Variants in FUNDC2 observed in about 807,000 individuals in gnomAD.
The protein encoded by FUNDC2 is FUN14 domain-containing protein 2.
FUNDC2 carries 4 observed loss-of-function variants against 15.6 expected under a neutral mutation model. The ratio of observed to expected loss-of-function variants is 0.26; its 90% CI spans 0.13 to 0.59. The LOEUF (loss-of-function observed/expected upper bound fraction) is 0.59, where lower values mean the gene tolerates loss of function less well. Among genes scored for constraint, FUNDC2 ranks in the 20% least tolerant of loss-of-function variants. The pLI is 0.90. For synonymous variants in FUNDC2, 44 were observed against 56.9 expected, an observed-to-expected ratio of 0.77 and a Z score of 1.02; for missense variants, 98 against 149.7, an observed-to-expected ratio of 0.65 and a Z score of 1.80.
At chrX:155,052,427 A>G (rs2073881836) in intron 4 of FUNDC2, among the ~76,000 whole-genome samples, 1 of 112,159 alleles carries the variant, frequency 8.9e-6, no homozygotes, top group African/African-American at 3.2e-5. Flanking sequence ...TATTACCTTT[A>G]GAAATATGTC....
chrX:155,029,491 C>T (rs940848044), intron 1 of FUNDC2, among the ~76,000 whole-genome samples: 1 of 111,195 alleles, frequency 9.0e-6, no homozygotes, highest in Non-Finnish European at 1.9e-5. Context: ...TGGTGGCTCA[C>T]TCCTGTAATC....
chrX:155,057,033 GC>G lies in FUNDC2; in HGVS notation c.*2363del, dbSNP rs1569560282. 32 of 97,512 alleles carry G rather than the reference GC, an allele frequency of 3.3e-4. No individual in the cohort carries two copies. The East Asian group carries it at 8.3e-3, about 25-fold the overall frequency. 8.0% of individuals were successfully genotyped at this position (97,512 alleles called of 1,213,427 possible). A position where few individuals can be genotyped will look rare whatever the true frequency, so the allele number is the denominator to read the frequency against. Reference sequence around the variant, plus strand: ...TGGTTGAGGTCAGTATTGCAGGTTGGCCTCATCCTGCTAGTATGAGAACGGC... The same window carrying G: ...TGGTTGAGGTCAGTATTGCAGGTTGGCTCATCCTGCTAGTATGAGAACGGC... On this transcript the variant is annotated 3_prime_UTR_variant, in exon 5 of 5. Coordinates refer to ENST00000369498, the MANE Select transcript of FUNDC2 (RefSeq NM_023934.4).
chrX:155,048,656 A>G (rs148832409), intron 3 of FUNDC2, among the ~76,000 whole-genome samples: 1 of 112,670 alleles, frequency 8.9e-6, no homozygotes, highest in Non-Finnish European at 1.9e-5. Context: ...TCCTGTTGAA[A>G]TTTTTATCGG....
chrX:155,029,730 G>GTGA, intron 1 of FUNDC2, among the ~76,000 whole-genome samples: 1 of 95,244 alleles, frequency 1.0e-5, no homozygotes. Context: ...TCCAGCCTGG[G>GTGA]CAAAAAGAGC....
rs1557290843 is a variant in FUNDC2, at chrX:155,055,952, T to C, written c.*1280T>C. The C allele has an allele frequency of 8.9e-6, 1 of 112,304 alleles. No individual in the cohort carries two copies. Among genetic ancestry groups the C allele is most frequent in the African/African-American group, 3.2e-5 (1 of 30,887 alleles). 9.3% of individuals were successfully genotyped at this position (112,304 alleles called of 1,213,427 possible). A position where few individuals can be genotyped will look rare whatever the true frequency, so the allele number is the denominator to read the frequency against. The stretch of plus-strand genomic sequence containing the variant: ...GCATTTTAACCCGTCTTGAGAATGA[T>C]GTATTGAATTTGAAAATCAAAACTA... On this transcript the variant is annotated 3_prime_UTR_variant, in exon 5 of 5. Transcript: ENST00000369498.
At chrX:155,048,506 C>T (rs1045010167) in intron 3 of FUNDC2, among the ~76,000 whole-genome samples, 1 of 112,305 alleles carries the variant, frequency 8.9e-6, no homozygotes, top group South Asian at 3.7e-4. Flanking sequence ...GGTCAACTTT[C>T]GATCTTTATG....
chrX:155,059,701 A>C lies in FUNDC2; in HGVS notation c.*5029A>C, dbSNP rs2073920401. On this transcript the variant is annotated 3_prime_UTR_variant, in exon 5 of 5. Transcript: ENST00000369498. ...TCCTTTAAAAGAAGGAACTGATTTG[A>C]ACCTTTCAAAACTGAAAGAAAGTCG... 1 of 112,564 alleles carries C rather than the reference A, an allele frequency of 8.9e-6. No individual in the cohort carries two copies. Among genetic ancestry groups the C allele is most frequent in the African/African-American group, 3.2e-5 (1 of 30,930 alleles). 9.3% of individuals were successfully genotyped at this position (112,564 alleles called of 1,213,427 possible).
In FUNDC2 at chrX:155,059,576, T is replaced by G. The variant is rs1321693259; in HGVS notation, c.*4904T>G. On this transcript the variant is annotated 3_prime_UTR_variant, in exon 5 of 5. Coordinates refer to ENST00000369498, the MANE Select transcript of FUNDC2 (RefSeq NM_023934.4). The stretch of plus-strand genomic sequence containing the variant: ...CACTCAGTAAATGTTAAGCCTTCTA[T>G]GATGGCTATTTTATTTTTTTGTATG... 1 of 111,670 alleles carries G rather than the reference T, an allele frequency of 9.0e-6. No homozygotes were observed. Among genetic ancestry groups the G allele is most frequent in the Non-Finnish European group, 1.9e-5 (1 of 53,147 alleles). The allele number at this position is 111,670 out of a possible 1,213,427, so 9.2% of individuals were successfully genotyped here. A position where few individuals can be genotyped will look rare whatever the true frequency, so the allele number is the denominator to read the frequency against.
chrX:155,030,795 C>T (rs1603438360), intron 1 of FUNDC2, among the ~76,000 whole-genome samples: 1 of 106,784 alleles, frequency 9.4e-6, no homozygotes, highest in South Asian at 4.2e-4. Context: ...AAGCAATTCT[C>T]CCATCTCAGC....
At position 155,051,754 on chromosome X, in the gene FUNDC2, C is replaced by T. The variant is rs781797319; in HGVS notation, c.445C>T (p.Arg149Cys). Residue 149 changes from arginine to cysteine, a missense_variant, in exon 4 of 5, where the codon CGT (arginine) becomes TGT (cysteine). Arg to Cys is a radical substitution (Grantham distance 180). Transcript: ENST00000369498. ...GAAAGCCAAAGAGCAGCTGAAGATC[C>T]GTAAGAGCAATCAGATACCTACTGA... ...MKKAKEQLKIRKSNQIPTEVR... is the reference protein window; with the variant it reads ...MKKAKEQLKICKSNQIPTEVR... 40 of 1,209,329 alleles carry T rather than the reference C, an allele frequency of 3.3e-5. No homozygotes were observed. Among genetic ancestry groups the T allele is most frequent in the Non-Finnish European group, 3.9e-5 (35 of 894,299 alleles).
chrX:155,028,965 A>AAT (rs2124182780), intron 1 of FUNDC2, among the ~76,000 whole-genome samples: 1 of 111,702 alleles, frequency 9.0e-6, no homozygotes, highest in South Asian at 3.7e-4. Context: ...TGATTGCAGC[A>AAT]ATATTTTCCA....
intron 4 of FUNDC2, 122 bp from the exon 5 acceptor site, chrX:155,054,473 C>A: frequency 8.8e-7 from 1 of 1,138,352 alleles, no homozygotes; most frequent in Admixed American, 2.5e-5. Context: ...GGGTAAAGTG[C>A]AAATTACGTA....
Position 155,056,224 on chromosome X carries a change from C to G in FUNDC2, c.*1552C>G, listed in dbSNP as rs1557290890. 8.9e-6 allele frequency: 1 copy of G among 111,966 alleles called. No individual in the cohort carries two copies. Among genetic ancestry groups the G allele is most frequent in the Non-Finnish European group, 1.9e-5 (1 of 53,202 alleles). The allele number at this position is 111,966 out of a possible 1,213,427, so 9.2% of individuals were successfully genotyped here. On this transcript the variant is annotated 3_prime_UTR_variant, in exon 5 of 5. Coordinates refer to ENST00000369498, the MANE Select transcript of FUNDC2 (RefSeq NM_023934.4). Reference sequence around the variant, plus strand: ...TCCCCCTGTGTATCTATCACTCACTCACAACAATCATCAAATTATAGCTCT... The same window carrying G: ...TCCCCCTGTGTATCTATCACTCACTGACAACAATCATCAAATTATAGCTCT...
intron 2 of FUNDC2, 128 bp downstream of exon 2, chrX:155,033,681 A>T: frequency 1.8e-6 from 1 of 558,836 alleles, no homozygotes; most frequent in South Asian, 3.6e-5. Flanking sequence ...AATGTGGAGC[A>T]TGTATCTAAA....
At chrX:155,052,312 G>T (rs2073881566) in intron 4 of FUNDC2, among the ~76,000 whole-genome samples, 1 of 112,249 alleles carries the variant, frequency 8.9e-6, no homozygotes, top group South Asian at 3.7e-4. Context: ...GCTGTAGTTT[G>T]CTAACCCCTG....
intron 1 of FUNDC2, among the ~76,000 whole-genome samples, chrX:155,027,908 A>C (rs1557288427): frequency 8.9e-6 from 1 of 111,888 alleles, no homozygotes; most frequent in Admixed American, 9.4e-5. Context: ...ATGAATACGC[A>C]ATGGAAATTG....
rs1557291319 is a variant in FUNDC2 at position 155,058,284 on chromosome X, T to C, written c.*3612T>C. ...CTAGCCAACATGCTCTTGGGGTGGGTGCTTCTGGTTTTGGAAAGCAAAGTT... is the reference window on the plus strand; with the variant it reads ...CTAGCCAACATGCTCTTGGGGTGGGCGCTTCTGGTTTTGGAAAGCAAAGTT... On this transcript the variant is annotated 3_prime_UTR_variant, in exon 5 of 5. Coordinates refer to ENST00000369498, the MANE Select transcript of FUNDC2 (RefSeq NM_023934.4). 1 of 111,511 alleles carries C rather than the reference T, an allele frequency of 9.0e-6. No homozygotes were observed. Among genetic ancestry groups the C allele is most frequent in the Non-Finnish European group, 1.9e-5 (1 of 53,109 alleles). The allele number at this position is 111,511 out of a possible 1,213,427, so 9.2% of individuals were successfully genotyped here.
rs1329197543 is a variant in FUNDC2 at position 155,057,702 on chromosome X, G to C, written c.*3030G>C. On this transcript the variant is annotated 3_prime_UTR_variant, in exon 5 of 5. Coordinates refer to ENST00000369498, the MANE Select transcript of FUNDC2 (RefSeq NM_023934.4). ...TTCCTGGCTACTATGGGTCGGCCCT[G>C]CGTCCTCACCACTTTGAGCCACCCT... The C allele has an allele frequency of 8.9e-6, 1 of 112,034 alleles. No individual in the cohort carries two copies. The highest frequency in any genetic ancestry group is 3.3e-5 in the African/African-American group (1 of 30,666). The allele number at this position is 112,034 out of a possible 1,213,427, so 9.2% of individuals were successfully genotyped here. A position where few individuals can be genotyped will look rare whatever the true frequency, so the allele number is the denominator to read the frequency against.
chrX:155,054,516 C>T, intron 4 of FUNDC2, 79 bp from the exon 5 acceptor site: 2 of 1,189,527 alleles, frequency 1.7e-6, no homozygotes, highest in Non-Finnish European at 2.3e-6. Context: ...TTAAGACTGG[C>T]ATAGGTATAA....
Sources: gnomAD v4.1 joint callset for allele counts (sites outside exome capture counted in the v4.1 genomes callset) on GRCh38, gnomAD v4.1.1 for gene constraint, MANE v1.5 for transcripts, NCBI Gene and HGNC (gene_info 2026-07-23, HGNC 2026-07-21) for gene names.